The following KLHL1 variants were observed in gnomAD, a reference collection of about 807,000 sequenced individuals.
KLHL1 encodes kelch like family member 1, also known as kelch-like protein 1.
In KLHL1, 47 loss-of-function variants were observed where a neutral mutation model predicts 77.7. The observed-to-expected ratio is 0.60, with a 90% CI of 0.48 to 0.77. The LOEUF is 0.77. KLHL1 is among the 30% of genes least tolerant of loss of function. The pLI is 0.00. For synonymous variants in KLHL1, 360 were observed against 325.2 expected, an observed-to-expected ratio of 1.11 and a Z score of -1.15; for missense variants, 925 against 910.8, an observed-to-expected ratio of 1.02 and a Z score of -0.20.
At chr13:70,027,314 GT>G (rs1464844640) in intron 1 of KLHL1, among the ~76,000 whole-genome samples, 1 of 151,938 alleles carries the variant, frequency 6.6e-6, no homozygotes, top group Non-Finnish European at 1.5e-5. Flanking sequence ...GACCACTTTG[GT>G]GCCAATAAAA....
intron 5 of KLHL1, among the ~76,000 whole-genome samples, chr13:69,842,947 A>T (rs1879324454): frequency 1.3e-5 from 2 of 151,814 alleles, no homozygotes; most frequent in South Asian, 4.1e-4. Context: ...TAAAAGACAA[A>T]TATCACATGT....
At chr13:69,937,192 G>A (rs1024304354) in intron 4 of KLHL1, among the ~76,000 whole-genome samples, 1 of 152,060 alleles carries the variant, frequency 6.6e-6, no homozygotes, top group East Asian at 1.9e-4. Flanking sequence ...GTTGACTCTG[G>A]ACTTTCTGCC....
intron 1 of KLHL1, among the ~76,000 whole-genome samples, chr13:70,096,313 G>T (rs1377996482): frequency 6.6e-6 from 1 of 151,982 alleles, no homozygotes; most frequent in South Asian, 2.1e-4. Context: ...CCCACAAACA[G>T]CATATGAGGG....
chr13:69,925,686 A>AAAC (rs1882792498), intron 4 of KLHL1, among the ~76,000 whole-genome samples: 1 of 151,820 alleles, frequency 6.6e-6, no homozygotes, highest in Admixed American at 6.6e-5. Context: ...AAACTCTAAC[A>AAAC]TTTGAAGTTT....
At chr13:69,980,685 A>G (rs1026779748) in intron 1 of KLHL1, among the ~76,000 whole-genome samples, 4 of 151,908 alleles carry the variant, frequency 2.6e-5, no homozygotes, top group African/African-American at 9.7e-5. Context: ...TTTTATTTTT[A>G]CTTTAAAAAA....
At chr13:69,802,042 G>C (rs1877406953) in intron 6 of KLHL1, among the ~76,000 whole-genome samples, 1 of 151,932 alleles carries the variant, frequency 6.6e-6, no homozygotes, top group Admixed American at 6.6e-5. Context: ...ACAGGCCCTG[G>C]TGTCTGATGT....
chr13:70,004,523 C>T (rs200586321), intron 1 of KLHL1, among the ~76,000 whole-genome samples: 3 of 151,594 alleles, frequency 2.0e-5, no homozygotes, highest in Admixed American at 6.6e-5. Flanking sequence ...TGCCATCCCC[C>T]TGACTAGTCC....
chr13:70,097,195 T>C (rs1434873049), intron 1 of KLHL1, among the ~76,000 whole-genome samples: 1 of 152,120 alleles, frequency 6.6e-6, no homozygotes, highest in East Asian at 1.9e-4. Context: ...ATTTTGAGAG[T>C]TGGCAAGAGT....
intron 7 of KLHL1, among the ~76,000 whole-genome samples, chr13:69,768,049 C>G (rs1039310277): frequency 6.6e-6 from 1 of 152,146 alleles, no homozygotes; most frequent in African/African-American, 2.4e-5. Context: ...ATGTTCCATA[C>G]ATCATATTTC....
intron 1 of KLHL1, among the ~76,000 whole-genome samples, chr13:70,063,698 T>C (rs539324207): frequency 6.6e-6 from 1 of 152,108 alleles, no homozygotes; most frequent in African/African-American, 2.4e-5. Context: ...CAGGGTAATA[T>C]TGAATTTATT....
intron 2 of KLHL1, among the ~76,000 whole-genome samples, chr13:69,965,098 A>T (rs1884175198): frequency 1.3e-5 from 2 of 152,308 alleles, no homozygotes; most frequent in East Asian, 1.9e-4. Flanking sequence ...AAATACAATT[A>T]TTTGGTTTAT....
chr13:70,089,196 C>T lies in KLHL1; in HGVS notation c.497+18007G>A, dbSNP rs377223663. 3.9e-5 allele frequency among the ~76,000 whole-genome samples: 6 copies of T among 152,274 alleles called. No homozygotes were observed. In the East Asian group the frequency reaches 1.2e-3, roughly 29 times the overall value. ...TACAGCTACAATTGCTTCTCTACAT[C>T]TTATCTATTCTCATCTTTTCATGCT... is the stretch of plus-strand genomic sequence containing the variant. On this transcript the variant is annotated intron_variant, in intron 1 of 10. Transcript: ENST00000377844.
In KLHL1 at chr13:70,063,188, T is replaced by G. The variant is rs115975969; in HGVS notation, c.497+44015A>C. Among the ~76,000 whole-genome samples the G allele has an allele frequency of 5.5e-3, 833 of 152,280 alleles. 8 individuals carry two copies. Among genetic ancestry groups the G allele is most frequent in the African/African-American group, 0.019 (780 of 41,572 alleles). On this transcript the variant is annotated intron_variant, in intron 1 of 10. Coordinates refer to ENST00000377844, the MANE Select transcript of KLHL1 (RefSeq NM_020866.3). ...ATCCAGCTCTGATTACTTCTCTAAG[T>G]AGACTATGCTAGGTGAGATGCATAA...
chr13:69,967,804 G>C (rs1185919063), intron 2 of KLHL1, among the ~76,000 whole-genome samples: 1 of 151,380 alleles, frequency 6.6e-6, no homozygotes, highest in Non-Finnish European at 1.5e-5. Context: ...AGAATTGCTT[G>C]AACCTGGGAA....
At chr13:69,914,064 C>T (rs1372344943) in intron 4 of KLHL1, among the ~76,000 whole-genome samples, 1 of 152,146 alleles carries the variant, frequency 6.6e-6, no homozygotes, top group Non-Finnish European at 1.5e-5. Context: ...CTGGATGCTT[C>T]CTACCCTCGA....
At chr13:70,080,531 C>T (rs118052221) in intron 1 of KLHL1, among the ~76,000 whole-genome samples, 4,297 of 152,046 alleles carry the variant, frequency 0.028, 81 homozygotes, top group Non-Finnish European at 0.042. Flanking sequence ...AATATATTGG[C>T]CAGTTACAAT....
At chr13:69,794,908 A>T (rs1877036327) in intron 7 of KLHL1, among the ~76,000 whole-genome samples, 1 of 152,204 alleles carries the variant, frequency 6.6e-6, no homozygotes, top group Non-Finnish European at 1.5e-5. Context: ...ATGATAGATT[A>T]AGGAATATCA....
intron 3 of KLHL1, among the ~76,000 whole-genome samples, chr13:69,942,294 G>A (rs191204666): frequency 6.6e-6 from 1 of 152,028 alleles, no homozygotes. Flanking sequence ...TTGGAAGGCA[G>A]GTTGCACTAA....
chr13:69,903,949 TTGATA>T (rs1470096160), intron 4 of KLHL1, among the ~76,000 whole-genome samples: 2 of 151,862 alleles, frequency 1.3e-5, no homozygotes, highest in African/African-American at 4.8e-5. Context: ...CCTCACATAC[TTGATA>T]TATTTTTTTT....
Sources: gnomAD v4.1 joint callset for allele counts (sites outside exome capture counted in the v4.1 genomes callset) on GRCh38, gnomAD v4.1.1 for gene constraint, MANE v1.5 for transcripts, NCBI Gene and HGNC (gene_info 2026-07-23, HGNC 2026-07-21) for gene names.